Variants in CUBN observed in about 807,000 individuals in gnomAD.
CUBN encodes the protein cubilin.
Under a neutral mutation model 405.3 loss-of-function variants are expected in CUBN, and 282 were observed. The ratio of observed to expected loss-of-function variants is 0.70; its 90% CI spans 0.63 to 0.77. The LOEUF (loss-of-function observed/expected upper bound fraction) is 0.77, where lower values mean the gene tolerates loss of function less well. Ranked by LOEUF, CUBN falls within the 30% of genes least tolerant of loss-of-function variation. CUBN has a pLI of 0.00. For missense variants in CUBN, 4,514 were observed against 4,475.2 expected (o/e 1.01, Z -0.25); for synonymous variants, 1,684 against 1,617.0 (o/e 1.04, Z -0.99).
In CUBN at chr10:16,984,097, T is replaced by G. The variant is rs375445875; in HGVS notation, c.4525+8A>C. ...AAGTACTTTAGGAAACCTCCTTTTCTCACTCACCTCCAGTGACTGCTTGCC... is the reference window on the plus strand; with the variant it reads ...AAGTACTTTAGGAAACCTCCTTTTCGCACTCACCTCCAGTGACTGCTTGCC... On this transcript the variant is annotated splice_region_variant and intron_variant, in intron 30 of 66. Transcript: ENST00000377833. 6.2e-7 allele frequency: 1 copy of G among 1,614,176 alleles called. No homozygotes were observed.
At position 16,840,400 on chromosome 10, in the gene CUBN, G is replaced by A. The variant is rs1284617066; in HGVS notation, c.9962C>T (p.Thr3321Ile). Residue 3321 changes from threonine to isoleucine, a missense_variant, in exon 62 of 67, where the codon ACT becomes ATT. Physicochemically the swap from Thr to Ile is moderately conservative, Grantham distance 89. Coordinates refer to ENST00000377833, the MANE Select transcript of CUBN (RefSeq NM_001081.4). ...CGAGGTCAGCTGTAATGCCCACACAGTTATCTTGACCTGCTGATGCGGAGG... is the reference window on the plus strand; with the variant it reads ...CGAGGTCAGCTGTAATGCCCACACAATTATCTTGACCTGCTGATGCGGAGG... Reference protein sequence around the residue: ...DSPPHQQVKITVWALQLTSQD... With the variant: ...DSPPHQQVKIIVWALQLTSQD... 1 of 1,614,040 alleles carries A rather than the reference G, an allele frequency of 6.2e-7. No homozygotes were observed. The highest frequency in any genetic ancestry group is 2.2e-5 in the East Asian group (1 of 44,890).
intron 14 of CUBN, among the ~76,000 whole-genome samples, chr10:17,094,603 T>C (rs910518311): frequency 2.0e-5 from 3 of 152,070 alleles, no homozygotes; most frequent in African/African-American, 4.8e-5. Flanking sequence ...TGCATTTCTA[T>C]ACATTAACAA....
At chr10:17,098,180 A>G (rs993704969) in intron 14 of CUBN, among the ~76,000 whole-genome samples, 2 of 152,198 alleles carry the variant, frequency 1.3e-5, no homozygotes, top group South Asian at 2.1e-4. Flanking sequence ...GCCAGCATCA[A>G]TTGGTAGCCA....
At chr10:17,099,492 A>G (rs1266514575) in intron 14 of CUBN, among the ~76,000 whole-genome samples, 1 of 152,166 alleles carries the variant, frequency 6.6e-6, no homozygotes, top group African/African-American at 2.4e-5. Flanking sequence ...CTTCTATTTC[A>G]TGCTTATTTT....
intron 39 of CUBN, among the ~76,000 whole-genome samples, chr10:16,934,503 G>A (rs1842446522): frequency 6.6e-6 from 1 of 152,152 alleles, no homozygotes; most frequent in African/African-American, 2.4e-5. Flanking sequence ...AAATCTGAAT[G>A]CTGAATGTTA....
At chr10:16,978,450 A>T (rs80253183) in intron 31 of CUBN, among the ~76,000 whole-genome samples, 3 of 152,370 alleles carry the variant, frequency 2.0e-5, no homozygotes, top group East Asian at 1.9e-4. Flanking sequence ...AGTCTGCATG[A>T]TGCTTAGCCA....
chr10:17,016,767 T>C (rs1395099353), intron 28 of CUBN, among the ~76,000 whole-genome samples: 1 of 152,092 alleles, frequency 6.6e-6, no homozygotes, highest in Non-Finnish European at 1.5e-5. Context: ...TTATCATTAA[T>C]AGGGAGCGGA....
intron 40 of CUBN, among the ~76,000 whole-genome samples, chr10:16,932,708 AC>A (rs1327244083): frequency 1.3e-5 from 2 of 152,142 alleles, no homozygotes; most frequent in African/African-American, 4.8e-5. Context: ...TATGGTGTGA[AC>A]CACTATGTCC....
At chr10:17,063,988 T>C (rs1285834764) in intron 22 of CUBN, among the ~76,000 whole-genome samples, 1 of 152,196 alleles carries the variant, frequency 6.6e-6, no homozygotes, top group Non-Finnish European at 1.5e-5. Context: ...CAGATAAAAC[T>C]ACAACAGCAT....
chr10:16,831,128 T>C (rs1250415102), intron 65 of CUBN, 124 bp downstream of exon 65: 1 of 846,896 alleles, frequency 1.2e-6, no homozygotes, highest in Non-Finnish European at 2.0e-6. Context: ...TTAAAATCTC[T>C]ATTCTTAACA....
rs368814448 is a variant in CUBN at position 16,851,276 on chromosome 10, C to T, written c.9622G>A (p.Ala3208Thr). The change falls in exon 60 of 67, where the codon GCA becomes ACA. Residue 3208 changes from alanine to threonine, a missense_variant. Physicochemically the swap from Ala to Thr is moderately conservative, Grantham distance 58. This residue lies in a region of CUBN where 1,186 missense variants were observed against 1,186.9 expected (regional missense o/e 1.00). Coordinates refer to ENST00000377833, the MANE Select transcript of CUBN (RefSeq NM_001081.4). ...AGGCATCTTTGCCTAGTACTTGCTG[C>T]CTCCAGAGCAAATGTATTGAAGGTG... ...HLTFNTFALE[A>T]ASTRQRCLYD... 7 of 1,614,110 alleles carry T rather than the reference C, an allele frequency of 4.3e-6. No individual in the cohort carries two copies. The African/African-American group carries it at 8.0e-5, about 18-fold the overall frequency.
At chr10:17,079,051 A>G (rs1035270691) in intron 17 of CUBN, among the ~76,000 whole-genome samples, 2 of 151,964 alleles carry the variant, frequency 1.3e-5, no homozygotes, top group African/African-American at 4.8e-5. Flanking sequence ...CCTGCCTCCC[A>G]CTACTCCAAC....
At chr10:16,963,593 T>C (rs1564449973) in intron 31 of CUBN, among the ~76,000 whole-genome samples, 2 of 152,198 alleles carry the variant, frequency 1.3e-5, no homozygotes, top group Non-Finnish European at 2.9e-5. Flanking sequence ...TACATACAGA[T>C]ATTGCTTCAA....
At chr10:16,891,992 C>T (rs1351114344) in intron 54 of CUBN, among the ~76,000 whole-genome samples, 3 of 152,170 alleles carry the variant, frequency 2.0e-5, no homozygotes, top group African/African-American at 7.2e-5. Flanking sequence ...ATTTTCTTCA[C>T]ATGGAATGAT....
rs368011185 is a variant in CUBN, at chr10:16,913,795, G to A, written c.7533+16C>T. 36 of 1,612,514 alleles carry A rather than the reference G, an allele frequency of 2.2e-5. No homozygotes were observed. The highest frequency in any genetic ancestry group is 5.3e-5 in the African/African-American group (4 of 74,988). ...AATGATGGAATATAACATCTCAGGCGGCAGGGAACACTTACTATCACATGC... is the reference window on the plus strand; with the variant it reads ...AATGATGGAATATAACATCTCAGGCAGCAGGGAACACTTACTATCACATGC... On this transcript the variant is annotated intron_variant, in intron 48 of 66. Transcript: ENST00000377833.
intron 60 of CUBN, among the ~76,000 whole-genome samples, chr10:16,843,919 A>C (rs1335235885): frequency 6.6e-6 from 1 of 152,208 alleles, no homozygotes; most frequent in Non-Finnish European, 1.5e-5. Flanking sequence ...GGAGTGTATC[A>C]TGAGAACCCA....
At chr10:16,919,729 C>T (rs373902892) in intron 44 of CUBN, among the ~76,000 whole-genome samples, 30 of 152,264 alleles carry the variant, frequency 2.0e-4, no homozygotes, top group African/African-American at 7.2e-4. Context: ...CCCTCAGTGT[C>T]CCTTGCAGGA....
At chr10:16,845,911 G>T (rs1451109338) in intron 60 of CUBN, among the ~76,000 whole-genome samples, 1 of 152,080 alleles carries the variant, frequency 6.6e-6, no homozygotes, top group Non-Finnish European at 1.5e-5. Flanking sequence ...GGTGGTTTTT[G>T]GGTCATCACT....
chr10:17,010,137 T>A (rs1588577658), intron 28 of CUBN, among the ~76,000 whole-genome samples: 1 of 152,356 alleles, frequency 6.6e-6, no homozygotes, highest in African/African-American at 2.4e-5. Flanking sequence ...CAGGAGCATC[T>A]GGGTAGCACG....
Sources: gnomAD v4.1 joint callset for allele counts (sites outside exome capture counted in the v4.1 genomes callset) on GRCh38, gnomAD v4.1.1 for gene constraint, gnomAD v4.1.1 regional missense constraint, MANE v1.5 for transcripts, NCBI Gene and HGNC (gene_info 2026-07-23, HGNC 2026-07-21) for gene names.